AGO3: variants seen among roughly 807,000 people sequenced by gnomAD.
The protein encoded by AGO3 is argonaute RISC catalytic component 3, also known as protein argonaute-3.
AGO3 carries 16 observed loss-of-function variants against 105.5 expected under a neutral mutation model. That is an observed-to-expected ratio of 0.15 (90% CI 0.10 to 0.23). The LOEUF (loss-of-function observed/expected upper bound fraction) is 0.23. AGO3 is among the 10% of genes least tolerant of loss of function. The probability of loss-of-function intolerance (pLI) is 1.00; values close to 1 mark genes in which losing one functional copy is unlikely to be tolerated. For missense variants in AGO3, 534 were observed against 1,088.0 expected (o/e 0.49, Z 7.16); for synonymous variants, 340 against 367.3 (o/e 0.93, Z 0.85).
At chr1:36,020,356 A>G (rs1641153209) in intron 11 of AGO3, among the ~76,000 whole-genome samples, 1 of 152,186 alleles carries the variant, frequency 6.6e-6, no homozygotes. Flanking sequence ...TTAGCATGAA[A>G]ATCTGGCCAA....
intron 4 of AGO3, among the ~76,000 whole-genome samples, chr1:35,972,519 A>G (rs560855130): frequency 4.6e-5 from 7 of 152,298 alleles, no homozygotes; most frequent in African/African-American, 1.7e-4. Context: ...ATCTATTTTC[A>G]GATGTATTTA....
chr1:36,030,658 T>C (rs1409188086), intron 12 of AGO3, among the ~76,000 whole-genome samples: 2 of 152,202 alleles, frequency 1.3e-5, no homozygotes, highest in Non-Finnish European at 2.9e-5. Flanking sequence ...TAAATTGATA[T>C]TACCTTTTTC....
chr1:35,952,410 T>C (rs1646491328), intron 2 of AGO3, among the ~76,000 whole-genome samples: 1 of 152,078 alleles, frequency 6.6e-6, no homozygotes, highest in South Asian at 2.1e-4. Flanking sequence ...CCCAAAATGC[T>C]AGGATTACAG....
chr1:36,012,466 A>G (rs909612483), intron 9 of AGO3, among the ~76,000 whole-genome samples: 1 of 152,104 alleles, frequency 6.6e-6, no homozygotes, highest in African/African-American at 2.4e-5. Flanking sequence ...CTTTGATTAT[A>G]TGTATGGGAA....
At chr1:36,036,083 G>T in intron 13 of AGO3, 94 bp from the exon 14 acceptor site, 4 of 1,133,644 alleles carry the variant, frequency 3.5e-6, no homozygotes, top group Non-Finnish European at 5.2e-6. Flanking sequence ...CCTCTGTGCT[G>T]TCAATAACTT....
At chr1:35,940,944 C>A (rs1394791488) in intron 1 of AGO3, among the ~76,000 whole-genome samples, 1 of 152,248 alleles carries the variant, frequency 6.6e-6, no homozygotes, top group East Asian at 1.9e-4. Flanking sequence ...GATCTCTAAT[C>A]CAGTGGTTTT....
At chr1:35,989,948 T>G (rs1445494695) in intron 5 of AGO3, among the ~76,000 whole-genome samples, 1 of 152,182 alleles carries the variant, frequency 6.6e-6, no homozygotes, top group African/African-American at 2.4e-5. Context: ...GTTATTTACC[T>G]CTTATTATGT....
At chr1:36,034,417 C>T in intron 13 of AGO3, 84 bp downstream of exon 13, 1 of 997,194 alleles carries the variant, frequency 1.0e-6, no homozygotes, top group East Asian at 3.1e-5. Flanking sequence ...ACTATAAGGG[C>T]TGTGTAAGAG....
chr1:35,994,233 G>A (rs560874300), intron 5 of AGO3, among the ~76,000 whole-genome samples: 1 of 147,118 alleles, frequency 6.8e-6, no homozygotes, highest in Non-Finnish European at 1.5e-5. Context: ...ATAGCCATAA[G>A]CCACCATGCC....
intron 16 of AGO3, among the ~76,000 whole-genome samples, chr1:36,040,985 A>C (rs1437468701): frequency 2.0e-5 from 3 of 150,728 alleles, no homozygotes; most frequent in Non-Finnish European, 2.9e-5. Flanking sequence ...AGGCAGGAGA[A>C]TCACTTGAAC....
At chr1:35,971,458 CTTT>C (rs911735179) in intron 3 of AGO3, among the ~76,000 whole-genome samples, 2 of 147,132 alleles carry the variant, frequency 1.4e-5, no homozygotes, top group Admixed American at 1.4e-4. Context: ...TGCGCCTGGC[CTTT>C]TTTTTTTCTT....
intron 3 of AGO3, among the ~76,000 whole-genome samples, chr1:35,971,508 T>G (rs962957551): frequency 6.6e-6 from 1 of 151,926 alleles, no homozygotes; most frequent in African/African-American, 2.4e-5. Context: ...GCTTCCAAAT[T>G]TCAAAAGTAT....
chr1:36,043,232 T>G, intron 16 of AGO3: 1 of 525,374 alleles, frequency 1.9e-6, no homozygotes, highest in Non-Finnish European at 3.4e-6. Flanking sequence ...GAGACTGTAT[T>G]AGGTTTTGTT....
Position 36,027,452 on chromosome 1 carries a change from CA to C in AGO3, c.1591+157del, listed in dbSNP as rs1345897555. Among the ~76,000 whole-genome samples, 1 of 152,150 alleles carries C rather than the reference CA, an allele frequency of 6.6e-6. No individual in the cohort carries two copies. The highest frequency in any genetic ancestry group is 1.5e-5 in the Non-Finnish European group (1 of 68,018). ...ATTACTTGAAGACAAATTAATATAG[CA>C]AACTAAATAGTCCAAGATGAGACAT... On this transcript the variant is annotated intron_variant, in intron 12 of 18. Transcript: ENST00000373191. The surrounding 1 kb of genome is among the most constrained non-coding windows in gnomAD (Gnocchi z 4.0).
intron 17 of AGO3, among the ~76,000 whole-genome samples, chr1:36,046,383 C>T (rs1264568829): frequency 1.3e-5 from 2 of 152,066 alleles, no homozygotes; most frequent in African/African-American, 4.8e-5. Context: ...CACCTTGTGC[C>T]TTGGCCATTT....
At chr1:36,028,641 A>G (rs1014315902) in intron 12 of AGO3, among the ~76,000 whole-genome samples, 2 of 151,534 alleles carry the variant, frequency 1.3e-5, no homozygotes, top group African/African-American at 4.9e-5. Context: ...AATCCAGTCT[A>G]TCATTGTTGG....
rs538927687 is a variant in AGO3 at position 36,070,503 on chromosome 1, G to A, written c.*14758G>A. On this transcript the variant is annotated 3_prime_UTR_variant, in exon 19 of 19. Transcript: ENST00000373191. Reference sequence around the variant, plus strand: ...AGGAAATTACAAAGGGCACACCACTGCAGGGAGTGTAAACAATTCTTTGTT... The same window carrying A: ...AGGAAATTACAAAGGGCACACCACTACAGGGAGTGTAAACAATTCTTTGTT... The A allele has an allele frequency of 1.3e-5, 2 of 152,262 alleles. No individual in the cohort carries two copies. The highest frequency in any genetic ancestry group is 4.8e-5 in the African/African-American group (2 of 41,556). 9.4% of individuals were successfully genotyped at this position (152,262 alleles called of 1,614,324 possible).
At chr1:36,033,415 G>A (rs184407582) in intron 12 of AGO3, among the ~76,000 whole-genome samples, 2 of 151,886 alleles carry the variant, frequency 1.3e-5, no homozygotes, top group African/African-American at 4.8e-5. Flanking sequence ...TGGAGCAGGA[G>A]GATCACTTGA....
In AGO3 at chr1:36,070,709, T is replaced by A. The variant is rs992889838; in HGVS notation, c.*14964T>A. On this transcript the variant is annotated 3_prime_UTR_variant, in exon 19 of 19. Transcript: ENST00000373191. Reference sequence around the variant, plus strand: ...CATCTGCATTAATTTCAATGAGAATTTCAAGTACTGAAGATGAAAAGTTGG... The same window carrying A: ...CATCTGCATTAATTTCAATGAGAATATCAAGTACTGAAGATGAAAAGTTGG... 2 of 152,192 alleles carry A rather than the reference T, an allele frequency of 1.3e-5. No individual in the cohort carries two copies. The highest frequency in any genetic ancestry group is 3.8e-4 in the East Asian group (2 of 5,198). The allele number at this position is 152,192 out of a possible 1,614,324, so 9.4% of individuals were successfully genotyped here.
Sources: gnomAD v4.1 joint callset for allele counts (sites outside exome capture counted in the v4.1 genomes callset) on GRCh38, gnomAD v4.1.1 for gene constraint, Gnocchi (gnomAD v3.1) non-coding constraint, MANE v1.5 for transcripts, NCBI Gene and HGNC (gene_info 2026-07-23, HGNC 2026-07-21) for gene names.